Variants in SCAF11 observed in about 807,000 individuals in gnomAD.
The protein encoded by SCAF11 is SR-related CTD associated factor 11, also known as protein SCAF11.
Under a neutral mutation model 140.5 loss-of-function variants are expected in SCAF11, and 47 were observed. The ratio of observed to expected loss-of-function variants is 0.33; its 90% CI spans 0.26 to 0.43. The LOEUF is 0.43. Among genes scored for constraint, SCAF11 ranks in the 20% least tolerant of loss-of-function variants. The pLI is 1.00. For synonymous variants in SCAF11, 557 were observed against 579.4 expected, an observed-to-expected ratio of 0.96 and a Z score of 0.55; for missense variants, 1,645 against 1,705.1, an observed-to-expected ratio of 0.96 and a Z score of 0.62.
chr12:45,977,573 A>G (rs950521457), intron 1 of SCAF11, among the ~76,000 whole-genome samples: 3 of 152,182 alleles, frequency 2.0e-5, no homozygotes, highest in Non-Finnish European at 2.9e-5. Flanking sequence ...GTATATAATA[A>G]AAGTTAAACT....
upstream of SCAF11, chr12:45,990,584 C>T (rs1946577128): frequency 8.1e-7 from 1 of 1,230,290 alleles, no homozygotes. Flanking sequence ...CCCCCTTCCC[C>T]CGCCTTGTCT....
At position 45,933,111 on chromosome 12, in the gene SCAF11, A is replaced by C. The variant is rs1313469589; in HGVS notation, c.734+20T>G. 8 of 1,527,162 alleles carry C rather than the reference A, an allele frequency of 5.2e-6. No individual in the cohort carries two copies. Among genetic ancestry groups the C allele is most frequent in the Non-Finnish European group, 7.2e-6 (8 of 1,107,244 alleles). The allele number at this position is 1,527,162 out of a possible 1,614,324, so 94.6% of individuals were successfully genotyped here. A position where few individuals can be genotyped will look rare whatever the true frequency, so the allele number is the denominator to read the frequency against. ...CATGTTAGCATGTAAACACCTGAGT[A>C]AATAATTTTTTATTTTTACCTTCCA... is the stretch of plus-strand genomic sequence containing the variant. On this transcript the variant is annotated intron_variant, in intron 9 of 14. Coordinates refer to ENST00000369367, the MANE Select transcript of SCAF11 (RefSeq NM_004719.3).
In SCAF11 at chr12:45,934,514, A is replaced by C. The variant is rs755307214; in HGVS notation, c.464-9T>G. Reference sequence around the variant, plus strand: ...ACTGTATAAAGAGTTTCCTGTACAAAGACATAAAAGGACTTGGTTACCTTG... The same window carrying C: ...ACTGTATAAAGAGTTTCCTGTACAACGACATAAAAGGACTTGGTTACCTTG... On this transcript the variant is annotated splice_polypyrimidine_tract_variant and intron_variant, in intron 6 of 14. Transcript: ENST00000369367. 1.0e-5 allele frequency: 16 copies of C among 1,552,990 alleles called. No homozygotes were observed. Among genetic ancestry groups the C allele is most frequent in the Middle Eastern group, 1.7e-4 (1 of 5,852 alleles).
intron 1 of SCAF11, among the ~76,000 whole-genome samples, chr12:45,974,012 A>G (rs1946174786): frequency 1.3e-5 from 2 of 152,210 alleles, no homozygotes; most frequent in South Asian, 4.1e-4. Context: ...ATACAGGCAT[A>G]TATACCTCAA....
chr12:45,976,308 T>A (rs1487717284), intron 1 of SCAF11, among the ~76,000 whole-genome samples: 1 of 152,118 alleles, frequency 6.6e-6, no homozygotes, highest in Non-Finnish European at 1.5e-5. Flanking sequence ...TCAAGAAGGG[T>A]GAGTAAAGTA....
chr12:45,953,582 T>C (rs754934647), intron 3 of SCAF11, among the ~76,000 whole-genome samples: 23 of 152,196 alleles, frequency 1.5e-4, no homozygotes, highest in Non-Finnish European at 2.8e-4. Context: ...GTAATATTTC[T>C]AGTGCTTCCT....
At chr12:45,938,695 T>C (rs1162803163) in intron 6 of SCAF11, among the ~76,000 whole-genome samples, 1 of 151,828 alleles carries the variant, frequency 6.6e-6, no homozygotes, top group Non-Finnish European at 1.5e-5. Context: ...GGATGTTTCA[T>C]GAAAACATCC....
At chr12:45,951,148 G>A (rs1462248606) in intron 4 of SCAF11, among the ~76,000 whole-genome samples, 1 of 151,840 alleles carries the variant, frequency 6.6e-6, no homozygotes, top group African/African-American at 2.4e-5. Context: ...TAATTTTATT[G>A]GCTAATTTCA....
chr12:45,962,791 A>G (rs1215639641), intron 2 of SCAF11, among the ~76,000 whole-genome samples: 1 of 152,214 alleles, frequency 6.6e-6, no homozygotes, highest in Non-Finnish European at 1.5e-5. Flanking sequence ...AAATGGGGCT[A>G]AAGAGGTCCC....
rs140379757 is a variant in SCAF11, at chr12:45,928,743, T to C, written c.958A>G (p.Thr320Ala). 3.8e-5 allele frequency: 61 copies of C among 1,613,676 alleles called. No individual in the cohort carries two copies. The highest frequency in any genetic ancestry group is 4.7e-5 in the Non-Finnish European group (55 of 1,179,906). ...SRRKPAMTTP[T>A]RRSTRNTRAE... Reference sequence around the variant, plus strand: ...CTTGTGTTACGTGTAGACCTCCTTGTAGGAGTTGTCATTGCAGGTTTTCGT... The same window carrying C: ...CTTGTGTTACGTGTAGACCTCCTTGCAGGAGTTGTCATTGCAGGTTTTCGT... The change falls in exon 11 of 15, where the codon ACA becomes GCA. Residue 320 changes from threonine (T) to alanine (A), a missense_variant. Coordinates refer to ENST00000369367, the MANE Select transcript of SCAF11 (RefSeq NM_004719.3).
At chr12:45,950,525 G>T (rs965401981) in intron 4 of SCAF11, among the ~76,000 whole-genome samples, 3 of 152,068 alleles carry the variant, frequency 2.0e-5, no homozygotes, top group African/African-American at 7.2e-5. Flanking sequence ...TGAATCTTTT[G>T]CAATGTAATT....
chr12:45,934,462 T>C lies in SCAF11; in HGVS notation c.507A>G (p.Ala169=). 6.3e-7 allele frequency: 1 copy of C among 1,595,562 alleles called. No individual in the cohort carries two copies. The highest frequency in any genetic ancestry group is 8.5e-7 in the Non-Finnish European group (1 of 1,174,192). Residue 169 remains alanine, a synonymous_variant, in exon 7 of 15, where the codon GCA becomes GCG. Transcript: ENST00000369367. ...YSETGGKKNA[A]IKINKPQRSN... ...TTCAACAAACCTTATTTATCTTTAT[T>C]GCTGCATTTTTCTTTCCTCCTGTTT...
At chr12:45,988,168 G>C (rs1223121407) in intron 1 of SCAF11, among the ~76,000 whole-genome samples, 2 of 152,152 alleles carry the variant, frequency 1.3e-5, no homozygotes, top group Non-Finnish European at 1.5e-5. Flanking sequence ...CACTGGGCAA[G>C]GTAAGTCAAG....
Position 45,928,842 on chromosome 12 carries a change from A to G in SCAF11, c.859T>C (p.Tyr287His). ...FEHFGTSCKG[Y>H]ALAHTQEGEE... is the part of the protein sequence containing the mutation. ...CCTTCTTGAGTATGTGCTAATGCATATCCCTTGCAAGAAGTACCTAATAAT... is the reference window on the plus strand; with the variant it reads ...CCTTCTTGAGTATGTGCTAATGCATGTCCCTTGCAAGAAGTACCTAATAAT... Residue 287 changes from tyrosine (Y) to histidine (H), a missense_variant, in exon 11 of 15, where the codon TAT (tyrosine) becomes CAT (histidine). By Grantham distance (83) the Tyr-to-His change is moderately conservative. Around this residue, in one of 2 missense-constraint regions of SCAF11, gnomAD observed 1,582 missense variants for 1,609.2 expected, o/e 0.98. Coordinates refer to ENST00000369367, the MANE Select transcript of SCAF11 (RefSeq NM_004719.3). The G allele has an allele frequency of 6.4e-7, 1 of 1,559,780 alleles. No homozygotes were observed. The highest frequency in any genetic ancestry group is 1.2e-5 in the South Asian group (1 of 81,248).
At chr12:45,937,911 G>C (rs1343667000) in intron 6 of SCAF11, among the ~76,000 whole-genome samples, 1 of 152,102 alleles carries the variant, frequency 6.6e-6, no homozygotes, top group Non-Finnish European at 1.5e-5. Flanking sequence ...GGAATCTTCA[G>C]GATCTAAAGA....
At chr12:45,990,732 T>C (rs764002668), upstream of SCAF11, 6 of 523,932 alleles carry the variant, frequency 1.1e-5, no homozygotes, top group Non-Finnish European at 1.7e-5. Flanking sequence ...TGAGTGCATG[T>C]TCGTAGTACC....
intron 1 of SCAF11, among the ~76,000 whole-genome samples, chr12:45,986,427 T>C (rs1592231993): frequency 6.6e-6 from 1 of 152,190 alleles, no homozygotes; most frequent in African/African-American, 2.4e-5. Flanking sequence ...TCCACAATTA[T>C]CATCCTAATT....
At chr12:45,953,873 G>A (rs1240817671) in intron 3 of SCAF11, 3 of 1,035,718 alleles carry the variant, frequency 2.9e-6, no homozygotes, top group African/African-American at 1.7e-5. Context: ...AGAAAGTGTG[G>A]CATATACTAA....
Position 45,948,531 on chromosome 12 carries a change from C to A in SCAF11, c.304G>T (p.Val102Leu). 2 of 1,604,058 alleles carry A rather than the reference C, an allele frequency of 1.2e-6. No homozygotes were observed. Among genetic ancestry groups the A allele is most frequent in the Non-Finnish European group, 1.7e-6 (2 of 1,174,324 alleles). ...SALEGYVKVQ[V>L]KKQLRETKDK... ...TTTGTTTCTCTCAGCTGTTTTTTTA[C>A]TTGAACCTATGAGAAAAGCAAAATC... Residue 102 changes from valine (V) to leucine (L), a missense_variant, in exon 5 of 15, where the codon GTA becomes TTA. Transcript: ENST00000369367.
Sources: allele counts gnomAD v4.1 joint callset (sites outside exome capture counted in the v4.1 genomes callset), GRCh38; gene constraint gnomAD v4.1.1; regional missense constraint gnomAD v4.1.1; transcripts MANE v1.5; gene names NCBI Gene and HGNC (gene_info 2026-07-23, HGNC 2026-07-21).